Variants in MYRIP observed in about 807,000 individuals in gnomAD.
MYRIP encodes the protein rab effector MyRIP.
In MYRIP, 49 loss-of-function variants were observed where a neutral mutation model predicts 98.0. The ratio of observed to expected loss-of-function variants is 0.50; its 90% CI spans 0.40 to 0.63. MYRIP has a LOEUF of 0.63. MYRIP is among the 30% of genes least tolerant of loss of function. The pLI is 0.00. For synonymous variants in MYRIP, 404 were observed against 409.5 expected (o/e 0.99, Z 0.16); for missense variants, 1,004 against 1,058.2 (o/e 0.95, Z 0.71).
At chr3:39,874,816 T>C (rs1379127623) in intron 1 of MYRIP, among the ~76,000 whole-genome samples, 1 of 152,162 alleles carries the variant, frequency 6.6e-6, no homozygotes, top group Admixed American at 6.5e-5. Flanking sequence ...TTTGGTTGTG[T>C]CTCTGCCCGG....
intron 3 of MYRIP, among the ~76,000 whole-genome samples, chr3:40,137,701 C>A (rs1949810377): frequency 6.6e-6 from 1 of 152,030 alleles, no homozygotes; most frequent in Non-Finnish European, 1.5e-5. Context: ...CACCATGAGA[C>A]TGGGAGTCTT....
At chr3:40,165,070 C>T (rs1299064141) in intron 5 of MYRIP, among the ~76,000 whole-genome samples, 7 of 152,106 alleles carry the variant, frequency 4.6e-5, no homozygotes, top group Non-Finnish European at 1.5e-5. Context: ...AAAAATACAT[C>T]GGTGGCTATC....
intron 1 of MYRIP, among the ~76,000 whole-genome samples, chr3:39,881,200 C>CT (rs1271579925): frequency 2.0e-5 from 3 of 151,602 alleles, no homozygotes; most frequent in Non-Finnish European, 4.4e-5. Context: ...TTCTTCAACT[C>CT]TGAGCATTAC....
At position 39,981,632 on chromosome 3, in the gene MYRIP, A is replaced by T. The variant is rs150364054; in HGVS notation, c.111-62418A>T. On this transcript the variant is annotated intron_variant, in intron 2 of 16. Coordinates refer to ENST00000302541, the MANE Select transcript of MYRIP (RefSeq NM_015460.4). ...CTTGCTGCAGAGACTCTCAGCTGTG[A>T]TTCTTCCTTTGAGATGTTTTGAGTC... Among the ~76,000 whole-genome samples the T allele has an allele frequency of 5.5e-3, 839 of 152,250 alleles. 7 individuals carry two copies. Among genetic ancestry groups the T allele is most frequent in the African/African-American group, 0.019 (795 of 41,554 alleles).
chr3:40,210,596 T>G (rs1951900237), intron 11 of MYRIP, among the ~76,000 whole-genome samples: 1 of 152,166 alleles, frequency 6.6e-6, no homozygotes, highest in Non-Finnish European at 1.5e-5. Flanking sequence ...TCGATTTGGT[T>G]GTTTTAGCGT....
At chr3:40,163,009 G>A (rs1257062587) in intron 5 of MYRIP, 199 bp downstream of exon 5, 1 of 499,768 alleles carries the variant, frequency 2.0e-6, no homozygotes, top group Non-Finnish European at 3.6e-6. Context: ...TATCCAAAAT[G>A]TGGCCAAGAG....
intron 2 of MYRIP, among the ~76,000 whole-genome samples, chr3:39,974,038 A>C (rs144752041): frequency 1.4e-3 from 208 of 152,322 alleles, no homozygotes; most frequent in African/African-American, 4.7e-3. Context: ...AAGGCAAGAA[A>C]TAACTAAGAT....
At chr3:40,127,230 T>C in intron 3 of MYRIP, among the ~76,000 whole-genome samples, 1 of 152,244 alleles carries the variant, frequency 6.6e-6, no homozygotes, top group East Asian at 1.9e-4. Context: ...ATTCAGGTTC[T>C]ATAGTAGACG....
intron 2 of MYRIP, among the ~76,000 whole-genome samples, chr3:39,919,458 G>C (rs549614371): frequency 3.3e-4 from 50 of 152,274 alleles, no homozygotes; most frequent in African/African-American, 1.2e-3. Flanking sequence ...CTCCAGGCCT[G>C]GGCTTTTGCC....
chr3:40,192,315 T>TATACAC (rs1553624958), intron 10 of MYRIP, among the ~76,000 whole-genome samples: 888 of 20,968 alleles, frequency 0.042, 70 homozygotes, highest in African/African-American at 0.073. Flanking sequence ...TCTTCATATA[T>TATACAC]ATATATATAT....
At chr3:40,085,016 T>C (rs1332771396) in intron 3 of MYRIP, among the ~76,000 whole-genome samples, 3 of 151,174 alleles carry the variant, frequency 2.0e-5, no homozygotes, top group Non-Finnish European at 4.4e-5. Context: ...TATCGATAGA[T>C]AATATATATC....
At chr3:40,226,182 A>G (rs980841068) in intron 11 of MYRIP, among the ~76,000 whole-genome samples, 1 of 152,212 alleles carries the variant, frequency 6.6e-6, no homozygotes, top group African/African-American at 2.4e-5. Context: ...TGGGCATTTG[A>G]TAGTCACCGA....
At chr3:39,917,317 A>T (rs1223888485) in intron 2 of MYRIP, among the ~76,000 whole-genome samples, 1 of 151,258 alleles carries the variant, frequency 6.6e-6, no homozygotes. Context: ...TTTATAACTT[A>T]TCCAATTATT....
At chr3:40,131,254 T>A (rs1483850340) in intron 3 of MYRIP, among the ~76,000 whole-genome samples, 3 of 152,224 alleles carry the variant, frequency 2.0e-5, no homozygotes, top group African/African-American at 7.2e-5. Context: ...AGTGTTTTAA[T>A]TCTTATTTTT....
intron 10 of MYRIP, among the ~76,000 whole-genome samples, chr3:40,193,158 C>A (rs1025787102): frequency 1.3e-5 from 2 of 152,140 alleles, no homozygotes; most frequent in African/African-American, 2.4e-5. Context: ...GCACACAGAC[C>A]TAGGCATTCA....
In MYRIP at chr3:40,218,598, CATATATATATATTTTATATATATATATAT is replaced by C. The variant is rs1320833189; in HGVS notation, c.1905+8518_1905+8546del. ...ACACATTTACACACACACACACACA[CATATATATATATTTTATATATATATATAT>C]ATATATATATATATATATATATATA... On this transcript the variant is annotated intron_variant, in intron 11 of 16. Transcript: ENST00000302541. 9.8e-4 allele frequency among the ~76,000 whole-genome samples: 14 copies of C among 14,236 alleles called. 1 individual carries two copies. The highest frequency in any genetic ancestry group is 1.6e-3 in the African/African-American group (14 of 8,642). 9.3% of individuals were successfully genotyped at this position (14,236 alleles called of 152,430 possible). A position where few individuals can be genotyped will look rare whatever the true frequency, so the allele number is the denominator to read the frequency against.
intron 2 of MYRIP, among the ~76,000 whole-genome samples, chr3:39,962,420 C>A (rs1034368895): frequency 2.0e-5 from 3 of 150,952 alleles, no homozygotes; most frequent in Non-Finnish European, 4.4e-5. Flanking sequence ...ATAAGGACCC[C>A]AAAGCACTAA....
At chr3:39,843,727 T>C (rs1941876714) in intron 1 of MYRIP, among the ~76,000 whole-genome samples, 2 of 152,156 alleles carry the variant, frequency 1.3e-5, no homozygotes, top group South Asian at 4.1e-4. Flanking sequence ...TAAGTGTCTA[T>C]TCCAGGAAGA....
intron 2 of MYRIP, among the ~76,000 whole-genome samples, chr3:40,030,039 G>A (rs2125817058): frequency 6.6e-6 from 1 of 151,122 alleles, no homozygotes; most frequent in East Asian, 1.9e-4. Context: ...CAGCATGGAT[G>A]ACAGAGCAAA....
Sources: gnomAD v4.1 joint callset for allele counts (sites outside exome capture counted in the v4.1 genomes callset) on GRCh38, gnomAD v4.1.1 for gene constraint, MANE v1.5 for transcripts, NCBI Gene and HGNC (gene_info 2026-07-23, HGNC 2026-07-21) for gene names.